Variants in XIRP2 observed in about 807,000 individuals in gnomAD.
The protein encoded by XIRP2 is xin actin binding repeat containing 2, also known as xin actin-binding repeat-containing protein 2.
In XIRP2, 236 loss-of-function variants were observed where a neutral mutation model predicts 277.0. The observed-to-expected ratio is 0.85, with a 90% confidence interval of 0.77 to 0.95. XIRP2 has a LOEUF of 0.95. Among genes scored for constraint, XIRP2 ranks in the 40% least tolerant of loss-of-function variants. The pLI is 0.00. For missense variants in XIRP2, 4,640 were observed against 4,157.5 expected, an observed-to-expected ratio of 1.12 and a Z score of -3.19; for synonymous variants, 1,490 against 1,416.5, an observed-to-expected ratio of 1.05 and a Z score of -1.17.
chr2:167,251,576 G>A lies in XIRP2; in HGVS notation c.10184G>A (p.Arg3395Lys). 1 of 1,613,506 alleles carries A rather than the reference G, an allele frequency of 6.2e-7. No homozygotes were observed. Among genetic ancestry groups the A allele is most frequent in the Non-Finnish European group, 8.5e-7 (1 of 1,179,628 alleles). The change falls in exon 9 of 11, where the codon AGA becomes AAA. Residue 3395 changes from arginine (R) to lysine (K), a missense_variant. Coordinates refer to ENST00000409195, the MANE Select transcript of XIRP2 (RefSeq NM_152381.6). ...ACAGACTTTTCTTGCAAACATCCTA[G>A]AGAACTGCGAGAAAAGATTCCTGTT... ...SFTDFSCKHP[R>K]ELREKIPVKQ...
chr2:167,206,731 G>C (rs1341615547), intron 3 of XIRP2, among the ~76,000 whole-genome samples: 1 of 152,156 alleles, frequency 6.6e-6, no homozygotes, highest in African/African-American at 2.4e-5. Flanking sequence ...AAAGCACCTA[G>C]TATTAATGTA....
At position 166,934,873 on chromosome 2, in the gene XIRP2, G is replaced by C. The variant is rs536305642; in HGVS notation, c.408+30983G>C. ...AATAAAAAAAAAATTTTTTAAAAAA[G>C]AAAAATAATTAACTAGTTGTGGTGG... is the stretch of plus-strand genomic sequence containing the variant. On this transcript the variant is annotated intron_variant, in intron 2 of 10. Transcript: ENST00000409195. Among the ~76,000 whole-genome samples the C allele has an allele frequency of 6.6e-5, 10 of 151,378 alleles. No homozygotes were observed. The East Asian group carries it at 2.0e-3, about 30-fold the overall frequency.
chr2:166,911,268 C>G (rs1558912805), intron 2 of XIRP2, among the ~76,000 whole-genome samples: 2 of 152,186 alleles, frequency 1.3e-5, no homozygotes, highest in Non-Finnish European at 2.9e-5. Context: ...GTAGGTCACT[C>G]AGGACTTGCT....
At chr2:166,979,410 G>A (rs1285984270) in intron 2 of XIRP2, among the ~76,000 whole-genome samples, 3 of 131,192 alleles carry the variant, frequency 2.3e-5, no homozygotes, top group Non-Finnish European at 4.7e-5. Context: ...AAGGCCTCAA[G>A]TATAATTGTT....
At chr2:167,226,132 A>T (rs1340538106) in intron 5 of XIRP2, among the ~76,000 whole-genome samples, 1 of 152,204 alleles carries the variant, frequency 6.6e-6, no homozygotes, top group Admixed American at 6.5e-5. Flanking sequence ...TTTCCTTTCA[A>T]TTCTGCAAGA....
intron 2 of XIRP2, among the ~76,000 whole-genome samples, chr2:166,941,081 G>A (rs563371090): frequency 1.3e-5 from 2 of 152,262 alleles, no homozygotes; most frequent in Admixed American, 1.3e-4. Flanking sequence ...CTTGAGCTGT[G>A]GTGGGCTCCA....
Position 167,245,093 on chromosome 2 carries a change from G to T in XIRP2, c.3701G>T (p.Gly1234Val), listed in dbSNP as rs774732758. ...TTAAAAACTGAAGATATTCAGAAAG[G>T]CAATGTTTTAAATTGTAGGTGGCTT... ...KTLKTEDIQK[G>V]NVLNCRWLFE... Residue 1234 changes from glycine (G) to valine (V), a missense_variant, in exon 9 of 11, where the codon GGC (glycine) becomes GTC (valine). By Grantham distance (109) the Gly-to-Val change is moderately radical. Transcript: ENST00000409195. 1 of 1,610,322 alleles carries T rather than the reference G, an allele frequency of 6.2e-7. No homozygotes were observed. Among genetic ancestry groups the T allele is most frequent in the Admixed American group, 1.7e-5 (1 of 59,262 alleles).
chr2:167,044,164 A>C (rs545208354), intron 2 of XIRP2, among the ~76,000 whole-genome samples: 23 of 152,158 alleles, frequency 1.5e-4, no homozygotes, highest in African/African-American at 5.5e-4. Flanking sequence ...ACAGAATTAA[A>C]AGCAAAACCA....
intron 2 of XIRP2, among the ~76,000 whole-genome samples, chr2:166,929,192 T>C (rs1685265020): frequency 6.6e-6 from 1 of 151,776 alleles, no homozygotes; most frequent in South Asian, 2.1e-4. Flanking sequence ...CTCCAGATGA[T>C]TCTAATGCAT....
chr2:167,005,132 A>C (rs1194707619), intron 2 of XIRP2, among the ~76,000 whole-genome samples: 1 of 151,910 alleles, frequency 6.6e-6, no homozygotes, highest in East Asian at 1.9e-4. Flanking sequence ...TGCATTTGCA[A>C]ATAACAAGTT....
At chr2:167,214,590 G>A (rs920200567) in intron 4 of XIRP2, among the ~76,000 whole-genome samples, 4 of 152,050 alleles carry the variant, frequency 2.6e-5, no homozygotes, top group Middle Eastern at 3.4e-3. Context: ...CTTTTGAGAC[G>A]GAGTCTTGCT....
chr2:167,034,759 C>G (rs1055353973), intron 2 of XIRP2, among the ~76,000 whole-genome samples: 1 of 152,170 alleles, frequency 6.6e-6, no homozygotes, highest in Non-Finnish European at 1.5e-5. Context: ...TATTTACGCA[C>G]CCAATGCTGG....
intron 2 of XIRP2, among the ~76,000 whole-genome samples, chr2:166,939,873 C>G (rs1310848390): frequency 6.6e-6 from 1 of 152,072 alleles, no homozygotes; most frequent in African/African-American, 2.4e-5. Context: ...TCTGCCTGCC[C>G]TTCACATTTT....
At chr2:166,934,850 T>TAAA (rs11372263) in intron 2 of XIRP2, among the ~76,000 whole-genome samples, 21 of 150,452 alleles carry the variant, frequency 1.4e-4, no homozygotes, top group East Asian at 8.0e-4. Flanking sequence ...CTACTAAAAA[T>TAAA]AAAAAAAAAA....
At chr2:166,895,827 A>G (rs1278630032) in intron 1 of XIRP2, among the ~76,000 whole-genome samples, 1 of 152,152 alleles carries the variant, frequency 6.6e-6, no homozygotes, top group Non-Finnish European at 1.5e-5. Context: ...GCTAATTTTT[A>G]ATAGAATACA....
At chr2:166,908,914 A>G (rs1684616701) in intron 2 of XIRP2, among the ~76,000 whole-genome samples, 1 of 152,186 alleles carries the variant, frequency 6.6e-6, no homozygotes, top group Non-Finnish European at 1.5e-5. Flanking sequence ...TTTGTCAAAG[A>G]TCAGATGGTT....
intron 3 of XIRP2, among the ~76,000 whole-genome samples, chr2:167,200,305 G>A (rs376992849): frequency 6.6e-6 from 1 of 152,316 alleles, no homozygotes; most frequent in Non-Finnish European, 1.5e-5. Context: ...TCTAGGTCAC[G>A]GCCAGTGTTC....
intron 2 of XIRP2, among the ~76,000 whole-genome samples, chr2:166,982,396 A>C (rs1013407003): frequency 6.7e-6 from 1 of 149,862 alleles, no homozygotes; most frequent in Admixed American, 6.6e-5. Context: ...TTTTCTTCCA[A>C]TTTTTAAATT....
At chr2:167,122,372 G>A (rs1691080496) in intron 2 of XIRP2, among the ~76,000 whole-genome samples, 1 of 152,176 alleles carries the variant, frequency 6.6e-6, no homozygotes, top group Non-Finnish European at 1.5e-5. Flanking sequence ...CCCAAAAGGT[G>A]CATATATGCC....
Sources: allele counts gnomAD v4.1 joint callset (sites outside exome capture counted in the v4.1 genomes callset), GRCh38; gene constraint gnomAD v4.1.1; transcripts MANE v1.5; gene names NCBI Gene and HGNC (gene_info 2026-07-23, HGNC 2026-07-21).